The following CAPZB variants were observed in gnomAD, a reference collection of about 807,000 sequenced individuals.
The protein encoded by CAPZB is capping actin protein of muscle Z-line subunit beta.
In CAPZB, 2 loss-of-function variants were observed where a neutral mutation model predicts 38.1. The ratio of observed to expected loss-of-function variants is 0.05; its 90% CI spans 0.02 to 0.17. The LOEUF (loss-of-function observed/expected upper bound fraction) is 0.17. CAPZB is among the 10% of genes least tolerant of loss of function. CAPZB has a pLI of 1.00. For synonymous variants in CAPZB, 107 were observed against 127.4 expected (o/e 0.84, Z 1.08); for missense variants, 161 against 334.2 (o/e 0.48, Z 4.04).
chr1:19,342,930 G>A, intron 8 of CAPZB: 2 of 973,470 alleles, frequency 2.1e-6, no homozygotes, highest in Non-Finnish European at 3.3e-6. Context: ...AGGAACGCAG[G>A]GGGCCACAGC....
Position 19,454,231 on chromosome 1 carries a change from T to G in CAPZB, c.3+31205A>C, listed in dbSNP as rs528527732. On this transcript the variant is annotated intron_variant, in intron 1 of 8. Transcript: ENST00000264202. ...GACTGGCCATGAGTAGCGCCATCCC[T>G]GCAGTGCTGATAATTCACACCTGCA... Among the ~76,000 whole-genome samples, 22 of 152,332 alleles carry G rather than the reference T, an allele frequency of 1.4e-4. No homozygotes were observed. The East Asian group carries it at 4.1e-3, about 28-fold the overall frequency.
At chr1:19,383,292 A>G (rs2094185570) in intron 3 of CAPZB, among the ~76,000 whole-genome samples, 1 of 152,044 alleles carries the variant, frequency 6.6e-6, no homozygotes, top group Non-Finnish European at 1.5e-5. Context: ...CTGAAAATAC[A>G]AAGACTAGCT....
chr1:19,427,678 C>T (rs1163719435), intron 1 of CAPZB, among the ~76,000 whole-genome samples: 1 of 152,182 alleles, frequency 6.6e-6, no homozygotes, highest in African/African-American at 2.4e-5. Flanking sequence ...TGAGTGTCCT[C>T]TGGGATGTGA....
intron 4 of CAPZB, among the ~76,000 whole-genome samples, chr1:19,364,852 T>C (rs935328795): frequency 7.3e-5 from 11 of 151,670 alleles, no homozygotes; most frequent in African/African-American, 2.7e-4. Flanking sequence ...TTTTTTTTTT[T>C]CTCTCTTTTT....
At chr1:19,430,583 C>T (rs1192132325) in intron 1 of CAPZB, among the ~76,000 whole-genome samples, 1 of 152,212 alleles carries the variant, frequency 6.6e-6, no homozygotes. Flanking sequence ...AAAGCAGAGT[C>T]GCTGCCCAGC....
At chr1:19,466,606 T>C (rs1314839421) in intron 1 of CAPZB, among the ~76,000 whole-genome samples, 1 of 152,016 alleles carries the variant, frequency 6.6e-6, no homozygotes, top group South Asian at 2.1e-4. Flanking sequence ...AAAAGAGGCA[T>C]GGGGGATCGG....
At chr1:19,447,819 C>T (rs2094501719) in intron 1 of CAPZB, among the ~76,000 whole-genome samples, 1 of 152,222 alleles carries the variant, frequency 6.6e-6, no homozygotes. Flanking sequence ...TGCCAGAATG[C>T]TGGGCCTCTC....
intron 1 of CAPZB, among the ~76,000 whole-genome samples, chr1:19,474,688 C>CCTT: frequency 6.6e-6 from 1 of 152,200 alleles, no homozygotes; most frequent in Admixed American, 6.5e-5. Flanking sequence ...AGACCTGCCA[C>CCTT]CTTCACAAGA....
chr1:19,398,527 G>C (rs1239380481), intron 2 of CAPZB, among the ~76,000 whole-genome samples: 3 of 152,180 alleles, frequency 2.0e-5, no homozygotes, highest in Non-Finnish European at 4.4e-5. Flanking sequence ...TCTGAGTGGG[G>C]GAGCGGGTGC....
At chr1:19,348,761 G>A (rs1032652656) in intron 6 of CAPZB, among the ~76,000 whole-genome samples, 1 of 102,556 alleles carries the variant, frequency 9.8e-6, no homozygotes, top group African/African-American at 4.6e-5. Context: ...ATCTGACAAG[G>A]GGGGGGGGCG....
At chr1:19,461,801 C>T (rs1218498902) in intron 1 of CAPZB, among the ~76,000 whole-genome samples, 7 of 152,172 alleles carry the variant, frequency 4.6e-5, no homozygotes, top group Non-Finnish European at 7.3e-5. Flanking sequence ...AGGCGAATTA[C>T]CTACCCTCAC....
chr1:19,430,058 A>G (rs2094437133), intron 1 of CAPZB, among the ~76,000 whole-genome samples: 1 of 152,156 alleles, frequency 6.6e-6, no homozygotes, highest in Non-Finnish European at 1.5e-5. Flanking sequence ...GGACAGCATC[A>G]AGAAATATTT....
At chr1:19,431,749 A>AAAAAAT (rs150844265) in intron 1 of CAPZB, among the ~76,000 whole-genome samples, 3 of 87,658 alleles carry the variant, frequency 3.4e-5, no homozygotes, top group African/African-American at 7.0e-5. Context: ...AATAAAAAAT[A>AAAAAAT]AAAAAAAAGA....
At chr1:19,385,358 A>C (rs1365223858) in intron 3 of CAPZB, 147 bp downstream of exon 3, 1 of 764,000 alleles carries the variant, frequency 1.3e-6, no homozygotes, top group African/African-American at 1.7e-5. Flanking sequence ...CAAGAGAAGA[A>C]AGGAGAGGAG....
intron 4 of CAPZB, among the ~76,000 whole-genome samples, chr1:19,363,600 A>G (rs774973187): frequency 2.0e-5 from 3 of 152,224 alleles, no homozygotes; most frequent in Non-Finnish European, 4.4e-5. Flanking sequence ...GACCTAATTC[A>G]CAAAAGTAAA....
At chr1:19,416,860 CA>C (rs59789230) in intron 2 of CAPZB, among the ~76,000 whole-genome samples, 58 of 69,430 alleles carry the variant, frequency 8.4e-4, no homozygotes, top group South Asian at 1.6e-3. Context: ...GACCCTGTCT[CA>C]AAAAAAAAAA....
intron 6 of CAPZB, among the ~76,000 whole-genome samples, chr1:19,353,866 T>A (rs1485251227): frequency 6.6e-6 from 1 of 152,228 alleles, no homozygotes; most frequent in Admixed American, 6.5e-5. Context: ...TGACGCCGTG[T>A]GCGGCTCTGC....
intron 4 of CAPZB, among the ~76,000 whole-genome samples, chr1:19,377,182 A>G (rs1006029002): frequency 1.3e-5 from 2 of 152,264 alleles, no homozygotes; most frequent in Non-Finnish European, 2.9e-5. Context: ...ATTACAAGTA[A>G]ACTACCATAG....
At chr1:19,387,292 AGG>A (rs2094209366) in intron 2 of CAPZB, among the ~76,000 whole-genome samples, 1 of 152,238 alleles carries the variant, frequency 6.6e-6, no homozygotes, top group South Asian at 2.1e-4. Context: ...TGTCCAGCTA[AGG>A]GGAAGGACAG....
Sources: gnomAD v4.1 joint callset for allele counts (sites outside exome capture counted in the v4.1 genomes callset) on GRCh38, gnomAD v4.1.1 for gene constraint, MANE v1.5 for transcripts, NCBI Gene and HGNC (gene_info 2026-07-23, HGNC 2026-07-21) for gene names.